The following MICAL3 variants were observed in gnomAD, a reference collection of about 807,000 sequenced individuals.
MICAL3 encodes the protein [F-actin]-monooxygenase MICAL3.
A neutral mutation model predicts 207.4 loss-of-function variants in MICAL3; 62 were observed. The ratio of observed to expected loss-of-function variants is 0.30; its 90% CI spans 0.24 to 0.37. The LOEUF (loss-of-function observed/expected upper bound fraction) is 0.37. Among genes scored for constraint, MICAL3 ranks in the 10% least tolerant of loss-of-function variants. The pLI is 1.00. For missense variants in MICAL3, 2,368 were observed against 2,635.6 expected, an observed-to-expected ratio of 0.90 and a Z score of 2.22; for synonymous variants, 1,077 against 1,069.3, an observed-to-expected ratio of 1.01 and a Z score of -0.14.
chr22:17,858,441 G>A (rs567170012), intron 19 of MICAL3: 12 of 985,076 alleles, frequency 1.2e-5, no homozygotes, highest in Middle Eastern at 5.2e-4. Context: ...TCAGGGCTTC[G>A]TGAAAGGGGC....
rs370458358 is a variant in MICAL3 at position 17,822,936 on chromosome 22, C to T, written c.3307+11G>A. ...GCTCCCACCACAGGGGCGGGGAGGG[C>T]GGACCCCTACCATCATCCAGCTCAG... On this transcript the variant is annotated intron_variant, in intron 23 of 31. Transcript: ENST00000441493. 5.6e-5 allele frequency: 88 copies of T among 1,565,554 alleles called. No homozygotes were observed. In the African/African-American group the frequency reaches 7.3e-4, roughly 13 times the overall value.
intron 1 of MICAL3, among the ~76,000 whole-genome samples, chr22:17,926,125 T>C (rs953165011): frequency 6.6e-6 from 1 of 152,160 alleles, no homozygotes; most frequent in Admixed American, 6.5e-5. Context: ...CAGTAGAACA[T>C]GAGCAAAGAT....
chr22:17,825,170 C>A (rs564261812), intron 22 of MICAL3, among the ~76,000 whole-genome samples: 1 of 152,298 alleles, frequency 6.6e-6, no homozygotes, highest in African/African-American at 2.4e-5. Context: ...CTCCTGTAGA[C>A]TTTCTATTAA....
In MICAL3 at chr22:17,790,194, G is replaced by A. The variant is rs1474253996; in HGVS notation, c.*538C>T. 1.3e-5 allele frequency: 2 copies of A among 153,164 alleles called. No individual in the cohort carries two copies. Among genetic ancestry groups the A allele is most frequent in the Non-Finnish European group, 2.9e-5 (2 of 68,772 alleles). 9.5% of individuals were successfully genotyped at this position (153,164 alleles called of 1,614,324 possible). On this transcript the variant is annotated 3_prime_UTR_variant, in exon 32 of 32. Coordinates refer to ENST00000441493, the MANE Select transcript of MICAL3 (RefSeq NM_015241.3). The stretch of plus-strand genomic sequence containing the variant: ...AATTTGCATAATAATTCAGGAGCCT[G>A]CCCGCACCTCCATGTCTCCTGTGAT...
Position 17,902,781 on chromosome 22 carries a change from A to C in MICAL3, c.473-34T>G. On this transcript the variant is annotated intron_variant, in intron 3 of 31. Transcript: ENST00000441493. The surrounding 1 kb of genome is among the most constrained non-coding windows in gnomAD (Gnocchi z 4.5). ...ATACAGAGATGACGTTGATGGGAAC[A>C]CATGGAGAAGGGGGTACCCATCCGT... 5 of 1,348,718 alleles carry C rather than the reference A, an allele frequency of 3.7e-6. No homozygotes were observed. Among genetic ancestry groups the C allele is most frequent in the Non-Finnish European group, 5.2e-6 (5 of 959,080 alleles). 83.5% of individuals were successfully genotyped at this position (1,348,718 alleles called of 1,614,324 possible). A position where few individuals can be genotyped will look rare whatever the true frequency, so the allele number is the denominator to read the frequency against.
rs1276086102 is a variant in MICAL3, at chr22:17,904,672, C to T, written c.432G>A (p.Lys144=). The T allele has an allele frequency of 1.9e-6, 3 of 1,614,116 alleles. No individual in the cohort carries two copies. The Admixed American group carries it at 5.0e-5, about 27-fold the overall frequency. The change falls in exon 3 of 32, where the codon AAG becomes AAA. Residue 144 remains lysine, a synonymous_variant. Transcript: ENST00000441493. ...CTCCAGCACAGAACTTGCCATAGAA[C>T]TTCTTGGCACCCAGACCTCGTAGAT... is the stretch of plus-strand genomic sequence containing the variant. ...IHDLRGLGAK[K]FYGKFCAGAI... is the part of the protein sequence containing the mutation.
intron 1 of MICAL3, among the ~76,000 whole-genome samples, chr22:17,992,586 G>A (rs1245094178): frequency 2.0e-5 from 3 of 152,038 alleles, no homozygotes; most frequent in Admixed American, 6.5e-5. Context: ...AGTGTGTAAA[G>A]GATTCCTGAA....
At chr22:17,940,705 G>A (rs1053641110) in intron 1 of MICAL3, among the ~76,000 whole-genome samples, 6 of 152,064 alleles carry the variant, frequency 3.9e-5, no homozygotes, top group African/African-American at 1.4e-4. Flanking sequence ...GATCAGAAAG[G>A]GAAACCAGGC....
Position 17,872,043 on chromosome 22 carries a change from G to C in MICAL3, c.2242-20C>G. 6.3e-7 allele frequency: 1 copy of C among 1,577,234 alleles called. No individual in the cohort carries two copies. The highest frequency in any genetic ancestry group is 8.6e-7 in the Non-Finnish European group (1 of 1,161,392). ...GGAGCCCTGCAGGAGGTGGCGGTCG[G>C]GAGGAAGGGGAGCACCTCAGGGAGT... On this transcript the variant is annotated intron_variant, in intron 16 of 31. Transcript: ENST00000441493.
In MICAL3 at chr22:17,818,627, C is replaced by A. The variant is rs774090838; in HGVS notation, c.4034G>T (p.Arg1345Leu). Residue 1345 changes from arginine to leucine, a missense_variant, in exon 26 of 32, where the codon CGC becomes CTC. Around this residue, in one of 4 missense-constraint regions of MICAL3, gnomAD observed 1,770 missense variants for 1,863.2 expected, o/e 0.95. Transcript: ENST00000441493. ...RRSLGLTPVD[R>L]SKGPEPSFPT... ...GAAGCTGGGCTCGGGCCCCTTGCTG[C>A]GGTCCACAGGTGTGAGCCCGAGGCT... 6.2e-6 allele frequency: 10 copies of A among 1,613,590 alleles called. 1 individual carries two copies. Among genetic ancestry groups the A allele is most frequent in the Non-Finnish European group, 7.6e-6 (9 of 1,179,878 alleles).
At chr22:17,830,325 G>A (rs569672975) in intron 21 of MICAL3, among the ~76,000 whole-genome samples, 3 of 152,362 alleles carry the variant, frequency 2.0e-5, no homozygotes, top group East Asian at 1.9e-4. Context: ...TGGGACTCTC[G>A]GAGTTTGGCT....
chr22:17,882,642 C>G (rs1321751932), intron 16 of MICAL3, among the ~76,000 whole-genome samples: 1 of 152,210 alleles, frequency 6.6e-6, no homozygotes, highest in African/African-American at 2.4e-5. Flanking sequence ...ACTGTGAGTT[C>G]CGGTTCACAG....
At chr22:17,968,182 A>C (rs747167799) in intron 1 of MICAL3, among the ~76,000 whole-genome samples, 8 of 152,246 alleles carry the variant, frequency 5.3e-5, no homozygotes, top group Non-Finnish European at 1.2e-4. Context: ...CAAGTCCAGC[A>C]GAGTGAAGAG....
At position 17,796,840 on chromosome 22, in the gene MICAL3, C is replaced by T. The variant is rs528182776; in HGVS notation, c.5651-5539G>A. On this transcript the variant is annotated intron_variant, in intron 29 of 31. Coordinates refer to ENST00000441493, the MANE Select transcript of MICAL3 (RefSeq NM_015241.3). The surrounding 1 kb of genome is among the most constrained non-coding windows in gnomAD (Gnocchi z 4.4). Reference sequence around the variant, plus strand: ...CCCTACACTACCACCTGGCCCTTGGCGCACCCGAGCACCTCACTCCAGGCC... The same window carrying T: ...CCCTACACTACCACCTGGCCCTTGGTGCACCCGAGCACCTCACTCCAGGCC... 4.3e-4 allele frequency among the ~76,000 whole-genome samples: 66 copies of T among 152,312 alleles called. 1 individual carries two copies. In the South Asian group the frequency reaches 0.011, roughly 24 times the overall value.
chr22:17,998,879 G>A (rs999811944), intron 1 of MICAL3, among the ~76,000 whole-genome samples: 1 of 152,152 alleles, frequency 6.6e-6, no homozygotes, highest in Admixed American at 6.5e-5. Context: ...TAAAATGCCA[G>A]GCCCCATAAT....
chr22:17,858,297 C>T (rs974072754), intron 19 of MICAL3, among the ~76,000 whole-genome samples: 1 of 152,244 alleles, frequency 6.6e-6, no homozygotes. Flanking sequence ...GTGCCATGAC[C>T]TGACCTGGGC....
At chr22:17,916,164 G>A (rs1435431219) in intron 1 of MICAL3, among the ~76,000 whole-genome samples, 6 of 151,234 alleles carry the variant, frequency 4.0e-5, no homozygotes, top group African/African-American at 4.9e-5. Context: ...CCACCTTCTC[G>A]GCATTCTTCC....
intron 16 of MICAL3, chr22:17,884,292 T>C: frequency 6.3e-7 from 1 of 1,587,430 alleles, no homozygotes; most frequent in Non-Finnish European, 8.5e-7. Context: ...CACCGGGGGG[T>C]GGGGGCAGGG....
intron 1 of MICAL3, among the ~76,000 whole-genome samples, chr22:17,992,528 G>T (rs1459759697): frequency 6.6e-6 from 1 of 152,056 alleles, no homozygotes; most frequent in African/African-American, 2.4e-5. Context: ...GTCTTACCAC[G>T]TGGCACTTAC....
Sources: allele counts gnomAD v4.1 joint callset (sites outside exome capture counted in the v4.1 genomes callset), GRCh38; gene constraint gnomAD v4.1.1; regional missense constraint gnomAD v4.1.1; non-coding constraint Gnocchi (gnomAD v3.1); transcripts MANE v1.5; gene names NCBI Gene and HGNC (gene_info 2026-07-23, HGNC 2026-07-21).